MCC: variants seen among roughly 807,000 people sequenced by gnomAD.
The protein encoded by MCC is MCC regulator of Wnt signaling pathway.
Under a neutral mutation model 116.2 loss-of-function variants are expected in MCC, and 90 were observed. The ratio of observed to expected loss-of-function variants is 0.77; its 90% confidence interval spans 0.65 to 0.92. The LOEUF is 0.92. MCC is among the 40% of genes least tolerant of loss of function. The pLI is 0.00. For synonymous variants in MCC, 578 were observed against 510.5 expected, an observed-to-expected ratio of 1.13 and a Z score of -1.78; for missense variants, 1,516 against 1,312.2, an observed-to-expected ratio of 1.16 and a Z score of -2.40.
intron 11 of MCC, among the ~76,000 whole-genome samples, chr5:113,079,463 T>C (rs1302411287): frequency 2.6e-5 from 4 of 152,246 alleles, no homozygotes; most frequent in South Asian, 2.1e-4. Flanking sequence ...AACAGAGATA[T>C]AGACCAATGG....
intron 1 of MCC, among the ~76,000 whole-genome samples, chr5:113,477,534 C>G (rs1772265817): frequency 6.6e-6 from 1 of 152,210 alleles, no homozygotes. Context: ...TTTACACCAA[C>G]TTGCTGCCTG....
chr5:113,094,508 C>T (rs1205413043), intron 8 of MCC, among the ~76,000 whole-genome samples: 5 of 151,092 alleles, frequency 3.3e-5, no homozygotes, highest in Admixed American at 2.0e-4. Flanking sequence ...GCAACCTCTG[C>T]CTCCCGGGTT....
At chr5:113,233,678 T>TG (rs1764023208) in intron 3 of MCC, among the ~76,000 whole-genome samples, 1 of 152,232 alleles carries the variant, frequency 6.6e-6, no homozygotes. Flanking sequence ...TCCAGCCAGA[T>TG]GGCAACAGCA....
chr5:113,432,654 G>C (rs1054618525), intron 1 of MCC: 2 of 152,164 alleles, frequency 1.3e-5, no homozygotes, highest in African/African-American at 4.8e-5. Context: ...TCGGTCTATA[G>C]AAATCAAAAG....
At chr5:113,257,451 G>C (rs540153564) in intron 3 of MCC, among the ~76,000 whole-genome samples, 2 of 152,238 alleles carry the variant, frequency 1.3e-5, no homozygotes, top group African/African-American at 4.8e-5. Flanking sequence ...TGAAAGCCAA[G>C]GTGAAGAAGA....
At chr5:113,420,734 T>C (rs998010702) in intron 1 of MCC, among the ~76,000 whole-genome samples, 2 of 152,190 alleles carry the variant, frequency 1.3e-5, no homozygotes, top group Non-Finnish European at 2.9e-5. Flanking sequence ...GGCCTGCCAT[T>C]AAGCCTATTA....
At chr5:113,349,705 T>C (rs6861668) in intron 2 of MCC, among the ~76,000 whole-genome samples, 65,218 of 151,776 alleles carry the variant, frequency 0.43, 15,418 homozygotes, top group African/African-American at 0.62. Context: ...AGCAATCAGA[T>C]AAGAGAAAGA....
At chr5:113,185,794 A>C (rs55824950) in intron 3 of MCC, among the ~76,000 whole-genome samples, 6,470 of 152,294 alleles carry the variant, frequency 0.042, 207 homozygotes, top group African/African-American at 0.083. Context: ...TCTAGTTCAC[A>C]CTAAATTCAT....
chr5:113,235,364 T>G (rs1764090167), intron 3 of MCC, among the ~76,000 whole-genome samples: 1 of 152,238 alleles, frequency 6.6e-6, no homozygotes, highest in Non-Finnish European at 1.5e-5. Flanking sequence ...CATTCCATAT[T>G]ACTTCCCCAA....
At chr5:113,364,238 G>GAAAAAAA (rs60976854) in intron 2 of MCC, among the ~76,000 whole-genome samples, 9 of 49,418 alleles carry the variant, frequency 1.8e-4, no homozygotes, top group Non-Finnish European at 2.5e-4. Flanking sequence ...CTCAAAAACA[G>GAAAAAAA]AAAAAAAAAA....
In MCC at chr5:113,189,297, T is replaced by G. The variant is rs149393047; in HGVS notation, c.628-37875A>C. ...TCAGTTATGGCTCTGGGGGAAGGAC[T>G]TACTACAGACCATCTCCATAGTTTC... On this transcript the variant is annotated intron_variant, in intron 3 of 18. Transcript: ENST00000408903. 2.9e-4 allele frequency among the ~76,000 whole-genome samples: 44 copies of G among 152,298 alleles called. 1 individual carries two copies. In the East Asian group the frequency reaches 6.9e-3, roughly 24 times the overall value.
chr5:113,151,232 T>C lies in MCC; in HGVS notation c.741+77A>G, dbSNP rs1489813226. The C allele has an allele frequency of 3.6e-6, 3 of 828,816 alleles. No homozygotes were observed. In the African/African-American group the frequency reaches 5.2e-5, roughly 14 times the overall value. The allele number at this position is 828,816 out of a possible 1,614,324, so 51.3% of individuals were successfully genotyped here. A position where few individuals can be genotyped will look rare whatever the true frequency, so the allele number is the denominator to read the frequency against. On this transcript the variant is annotated intron_variant, in intron 4 of 18. Transcript: ENST00000408903. The stretch of plus-strand genomic sequence containing the variant: ...GTAATTTGTTTTGTGGGAATTTCTG[T>C]ACTCATGTTTTATCTTAAGATTAAA...
At chr5:113,471,723 G>A (rs928885985) in intron 1 of MCC, among the ~76,000 whole-genome samples, 10 of 142,066 alleles carry the variant, frequency 7.0e-5, no homozygotes, top group African/African-American at 2.6e-4. Context: ...TAAGTCTGCA[G>A]AGGTTACTGC....
chr5:113,348,654 A>T (rs1342846663), intron 2 of MCC, among the ~76,000 whole-genome samples: 2 of 152,084 alleles, frequency 1.3e-5, no homozygotes, highest in Non-Finnish European at 1.5e-5. Context: ...AAAGAACTAG[A>T]AAAGTAAGAG....
At chr5:113,121,580 T>G (rs1185012170) in intron 6 of MCC, among the ~76,000 whole-genome samples, 1 of 152,232 alleles carries the variant, frequency 6.6e-6, no homozygotes, top group Non-Finnish European at 1.5e-5. Context: ...CTTGTAACCC[T>G]AGACTGAATC....
At chr5:113,332,581 AAAG>A (rs1361095240) in intron 3 of MCC, among the ~76,000 whole-genome samples, 2 of 151,094 alleles carry the variant, frequency 1.3e-5, no homozygotes, top group Non-Finnish European at 2.9e-5. Context: ...AAAAAAAAAA[AAAG>A]GAATAGAAGA....
intron 3 of MCC, among the ~76,000 whole-genome samples, chr5:113,187,920 C>T (rs1761981475): frequency 6.6e-6 from 1 of 152,102 alleles, no homozygotes; most frequent in African/African-American, 2.4e-5. Flanking sequence ...AGTGCATGCT[C>T]AGAACAAATT....
intron 3 of MCC, among the ~76,000 whole-genome samples, chr5:113,202,816 G>A (rs1272768447): frequency 6.6e-6 from 1 of 151,760 alleles, no homozygotes; most frequent in Admixed American, 6.6e-5. Flanking sequence ...TTTTTCTAGG[G>A]GTATAGAAGC....
At chr5:113,456,754 A>C (rs1771562494) in intron 1 of MCC, among the ~76,000 whole-genome samples, 1 of 148,016 alleles carries the variant, frequency 6.8e-6, no homozygotes, top group African/African-American at 2.5e-5. Context: ...TACAGGCGTG[A>C]GCCACTGCGC....
Sources: gnomAD v4.1 joint callset for allele counts (sites outside exome capture counted in the v4.1 genomes callset) on GRCh38, gnomAD v4.1.1 for gene constraint, MANE v1.5 for transcripts, NCBI Gene and HGNC (gene_info 2026-07-23, HGNC 2026-07-21) for gene names.